The following MEPE variants were observed in gnomAD, a reference collection of about 807,000 sequenced individuals.
The protein encoded by MEPE is matrix, extracellular phosphoglycoprotein with ASARM motif (bone).
A neutral mutation model predicts 7.3 loss-of-function variants in MEPE; 7 were observed. That is an observed-to-expected ratio of 0.95 (90% CI 0.54 to 1.79). The LOEUF (loss-of-function observed/expected upper bound fraction) is 1.79, where lower values mean the gene tolerates loss of function less well. Ranked by LOEUF, MEPE falls within the 40% of genes most tolerant of loss-of-function variation. The pLI is 0.00. For missense variants in MEPE, 623 were observed against 628.2 expected, an observed-to-expected ratio of 0.99 and a Z score of 0.09; for synonymous variants, 214 against 213.1, an observed-to-expected ratio of 1.00 and a Z score of -0.04.
At chr4:87,843,468 C>A (rs1447964482) in intron 3 of MEPE, among the ~76,000 whole-genome samples, 9 of 152,144 alleles carry the variant, frequency 5.9e-5, no homozygotes. Flanking sequence ...ATGCAGCACC[C>A]ACCCTAATTT....
intron 2 of MEPE, 95 bp from the exon 3 acceptor site, chr4:87,838,537 C>A (rs1227380704): frequency 9.1e-7 from 1 of 1,102,770 alleles, no homozygotes; most frequent in East Asian, 2.4e-5. Context: ...AATAATACAA[C>A]TCAGTGAGAG....
In MEPE at chr4:87,822,885, CA is replaced by C. The variant is rs34004117; in HGVS notation, c.-13+1415del. Among the ~76,000 whole-genome samples, 1,376 of 152,260 alleles carry C rather than the reference CA, an allele frequency of 9.0e-3. 10 individuals carry two copies. The highest frequency in any genetic ancestry group is 0.014 in the Non-Finnish European group (980 of 68,006). On this transcript the variant is annotated intron_variant, in intron 1 of 3. Transcript: ENST00000424957. ...TCCTTTCCTGCTGCAGGAGGAATTGCAGGGTACTTTGCCAAGACTCAGGTTG... is the reference window on the plus strand; with the variant it reads ...TCCTTTCCTGCTGCAGGAGGAATTGCGGGTACTTTGCCAAGACTCAGGTTG...
rs749867677 is a variant in MEPE at position 87,846,184 on chromosome 4, C to T, written c.1316C>T (p.Pro439Leu). The T allele has an allele frequency of 3.7e-6, 6 of 1,613,888 alleles. No individual in the cohort carries two copies. In the East Asian group the frequency reaches 1.3e-4, roughly 36 times the overall value. The change falls in exon 4 of 4, where the codon CCT (proline) becomes CTT (leucine). Residue 439 changes from proline (P) to leucine (L), a missense_variant. By Grantham distance (98) the Pro-to-Leu change is moderately conservative (BLOSUM62 -3). Coordinates refer to ENST00000361056, the MANE Select transcript of MEPE (RefSeq NM_020203.6). ...SKGKSQGLPI[P>L]SRGLDNEIKN... ...GGCAAAAGTCAGGGCCTGCCCATTC[C>T]TTCTCGTGGTCTTGATAATGAAATC... is the stretch of plus-strand genomic sequence containing the variant.
At chr4:87,843,659 G>A (rs757043618) in intron 3 of MEPE, among the ~76,000 whole-genome samples, 1 of 152,102 alleles carries the variant, frequency 6.6e-6, no homozygotes, top group African/African-American at 2.4e-5. Context: ...CTCATGGAGG[G>A]GCAAGGGAAT....
Position 87,846,094 on chromosome 4 carries a change from A to T in MEPE, c.1226A>T (p.Lys409Met), listed in dbSNP as rs745559635. 1 of 1,614,058 alleles carries T rather than the reference A, an allele frequency of 6.2e-7. No individual in the cohort carries two copies. Among genetic ancestry groups the T allele is most frequent in the South Asian group, 1.1e-5 (1 of 91,080 alleles). ...IPKNGKGSTR[K>M]GVDHSNRNQA... ...AAAAATGGCAAAGGCAGTACCAGAAAGGGTGTAGATCATTCTAATAGGAAC... is the reference window on the plus strand; with the variant it reads ...AAAAATGGCAAAGGCAGTACCAGAATGGGTGTAGATCATTCTAATAGGAAC... The change falls in exon 4 of 4, where the codon AAG becomes ATG. Residue 409 changes from lysine to methionine, a missense_variant. Coordinates refer to ENST00000361056, the MANE Select transcript of MEPE (RefSeq NM_020203.6).
chr4:87,825,455 C>T (rs72875441), intron 1 of MEPE, among the ~76,000 whole-genome samples: 7,758 of 152,238 alleles, frequency 0.051, 215 homozygotes, highest in Middle Eastern at 0.082. Flanking sequence ...ATGACTGAAA[C>T]GTTATCTCCC....
rs750770333 is a variant in MEPE, at chr4:87,846,469, G to T, written c.*23G>T. ...TAGTCCACCAGGAGTTCCCAGCGGGGTGACAGTCTGAAGACCTCGTCACCT... is the reference window on the plus strand; with the variant it reads ...TAGTCCACCAGGAGTTCCCAGCGGGTTGACAGTCTGAAGACCTCGTCACCT... On this transcript the variant is annotated 3_prime_UTR_variant, in exon 4 of 4. Transcript: ENST00000361056. The T allele has an allele frequency of 6.3e-7, 1 of 1,596,568 alleles. No homozygotes were observed. The highest frequency in any genetic ancestry group is 1.3e-5 in the African/African-American group (1 of 74,360).
At chr4:87,830,716 C>A (rs1445116953), upstream of MEPE, among the ~76,000 whole-genome samples, 1 of 151,712 alleles carries the variant, frequency 6.6e-6, no homozygotes, top group Non-Finnish European at 1.5e-5. Flanking sequence ...TTCACATGTA[C>A]CTCCAAACCT....
At chr4:87,838,554 A>AAATGAAACATTTGTTTGAAGAAGTT in intron 2 of MEPE, 78 bp from the exon 3 acceptor site, 1 of 1,349,792 alleles carries the variant, frequency 7.4e-7, no homozygotes, top group South Asian at 1.2e-5. Flanking sequence ...AGAGAAAAAT[A>AAATGAAACATTTGTTTGAAGAAGTT]AATGAAACAT....
intron 3 of MEPE, among the ~76,000 whole-genome samples, chr4:87,843,152 G>A (rs1723080005): frequency 6.6e-6 from 1 of 152,104 alleles, no homozygotes; most frequent in Non-Finnish European, 1.5e-5. Flanking sequence ...CCTAATCCAA[G>A]TGATTACATC....
At chr4:87,830,167 G>A (rs1435593023), upstream of MEPE, among the ~76,000 whole-genome samples, 1 of 152,148 alleles carries the variant, frequency 6.6e-6, no homozygotes, top group Non-Finnish European at 1.5e-5. Flanking sequence ...CCTGGAAGAT[G>A]TTCTTAAAAG....
At chr4:87,833,183 C>T (rs1343710294) in intron 1 of MEPE, among the ~76,000 whole-genome samples, 169 bp downstream of exon 1, 1 of 152,096 alleles carries the variant, frequency 6.6e-6, no homozygotes, top group Non-Finnish European at 1.5e-5. Context: ...AAATGCGTTA[C>T]CATGCTCTAG....
intron 1 of MEPE, among the ~76,000 whole-genome samples, chr4:87,826,600 C>G (rs1348604498): frequency 6.6e-6 from 1 of 152,078 alleles, no homozygotes; most frequent in Non-Finnish European, 1.5e-5. Flanking sequence ...AATTTATACT[C>G]CCACCAACAG....
chr4:87,829,124 A>G (rs1014579171), upstream of MEPE, among the ~76,000 whole-genome samples: 1 of 152,112 alleles, frequency 6.6e-6, no homozygotes, highest in African/African-American at 2.4e-5. Flanking sequence ...AAAAATCTCT[A>G]CTGCATGGAA....
intron 3 of MEPE, among the ~76,000 whole-genome samples, chr4:87,843,620 T>C (rs1723097074): frequency 1.3e-5 from 2 of 152,210 alleles, no homozygotes; most frequent in African/African-American, 4.8e-5. Context: ...ATTTAGTCTG[T>C]CTATAATTGT....
upstream of MEPE, among the ~76,000 whole-genome samples, chr4:87,828,356 CTTATT>C (rs1722522491): frequency 1.3e-5 from 2 of 152,072 alleles, no homozygotes; most frequent in African/African-American, 4.8e-5. Context: ...AAAACAGAAA[CTTATT>C]TTAGTTAGAA....
chr4:87,838,589 G>A (rs1422928629), intron 2 of MEPE, 43 bp from the exon 3 acceptor site: 2 of 1,558,188 alleles, frequency 1.3e-6, no homozygotes, highest in Non-Finnish European at 1.8e-6. Context: ...TAATGAAATA[G>A]AATGTTCTAG....
rs769111109 is a variant in MEPE, at chr4:87,845,894, G to A, written c.1026G>A (p.Met342Ile). 6 of 1,613,882 alleles carry A rather than the reference G, an allele frequency of 3.7e-6. No homozygotes were observed. Among genetic ancestry groups the A allele is most frequent in the Non-Finnish European group, 5.1e-6 (6 of 1,179,986 alleles). The change falls in exon 4 of 4, where the codon ATG becomes ATA. Residue 342 changes from methionine (M) to isoleucine (I), a missense_variant. Met to Ile is a conservative substitution (Grantham distance 10, BLOSUM62 1). Coordinates refer to ENST00000361056, the MANE Select transcript of MEPE (RefSeq NM_020203.6). ...TTGTAGAGGGCAGCAACGATATCAT[G>A]GGTAGTACCAATTTTAAGGAGCTCC... ...VSLVEGSNDI[M>I]GSTNFKELPG...
chr4:87,827,358 G>A (rs568160518), intron 1 of MEPE, among the ~76,000 whole-genome samples: 233 of 152,142 alleles, frequency 1.5e-3, no homozygotes, highest in Non-Finnish European at 2.5e-3. Context: ...AGGAATTCAT[G>A]AAAAAAGAGA....
Sources: allele counts gnomAD v4.1 joint callset (sites outside exome capture counted in the v4.1 genomes callset), GRCh38; gene constraint gnomAD v4.1.1; transcripts MANE v1.5; gene names NCBI Gene and HGNC (gene_info 2026-07-23, HGNC 2026-07-21).